The following TBC1D22A variants were observed in gnomAD, a reference collection of about 807,000 sequenced individuals.
TBC1D22A encodes the protein TBC1 domain family member 22A.
TBC1D22A carries 38 observed loss-of-function variants against 60.2 expected under a neutral mutation model. The observed-to-expected ratio is 0.63, with a 90% CI of 0.49 to 0.83. TBC1D22A has a LOEUF of 0.83. TBC1D22A is among the 40% of genes least tolerant of loss of function. The pLI is 0.00. For missense variants in TBC1D22A, 628 were observed against 701.0 expected (o/e 0.90, Z 1.18); for synonymous variants, 302 against 281.7 (o/e 1.07, Z -0.72).
intron 11 of TBC1D22A, among the ~76,000 whole-genome samples, chr22:47,091,644 T>C (rs907646913): frequency 2.0e-5 from 3 of 152,128 alleles, no homozygotes; most frequent in Admixed American, 2.0e-4. Flanking sequence ...TCTCAGGTCC[T>C]GTGCACCTGG....
intron 1 of TBC1D22A, among the ~76,000 whole-genome samples, chr22:46,770,190 G>A (rs1290928837): frequency 6.6e-6 from 1 of 152,188 alleles, no homozygotes; most frequent in Non-Finnish European, 1.5e-5. Context: ...TTTGCAGATG[G>A]AGGAGGCAGC....
intron 10 of TBC1D22A, among the ~76,000 whole-genome samples, chr22:47,015,993 A>G (rs1223988684): frequency 2.0e-5 from 3 of 151,692 alleles, no homozygotes; most frequent in African/African-American, 7.3e-5. Flanking sequence ...CTGGCCCTCC[A>G]CACTCCACGT....
chr22:47,120,572 G>A (rs572196716), intron 12 of TBC1D22A, among the ~76,000 whole-genome samples: 1 of 152,350 alleles, frequency 6.6e-6, no homozygotes, highest in East Asian at 1.9e-4. Flanking sequence ...TAAGCAGCCT[G>A]GCAGAGGGCA....
intron 11 of TBC1D22A, among the ~76,000 whole-genome samples, 156 bp from the exon 12 acceptor site, chr22:47,111,352 T>G (rs1324255081): frequency 6.6e-6 from 1 of 152,170 alleles, no homozygotes; most frequent in Non-Finnish European, 1.5e-5. Context: ...GGAATGAGGA[T>G]TTTGAAATTA....
chr22:46,978,867 C>T (rs2074405648), intron 9 of TBC1D22A, among the ~76,000 whole-genome samples: 1 of 152,180 alleles, frequency 6.6e-6, no homozygotes, highest in South Asian at 2.1e-4. Context: ...CCTCAGCCTC[C>T]CAAAGTGCTG....
chr22:47,007,248 G>A (rs1744645772), intron 10 of TBC1D22A, among the ~76,000 whole-genome samples: 1 of 152,202 alleles, frequency 6.6e-6, no homozygotes, highest in Non-Finnish European at 1.5e-5. Flanking sequence ...GAATTGGGTT[G>A]GTAGTGTGCC....
At chr22:46,898,813 A>AT (rs1224221372) in intron 7 of TBC1D22A, among the ~76,000 whole-genome samples, 1 of 152,218 alleles carries the variant, frequency 6.6e-6, no homozygotes, top group Non-Finnish European at 1.5e-5. Flanking sequence ...TAGCCATCTT[A>AT]TTTTGGAACC....
intron 10 of TBC1D22A, among the ~76,000 whole-genome samples, chr22:47,019,733 T>C (rs1055914359): frequency 3.3e-5 from 5 of 152,012 alleles, no homozygotes; most frequent in Non-Finnish European, 7.4e-5. Context: ...TATGCTAGGA[T>C]GATCCATCCT....
At chr22:46,807,305 A>G (rs545763909) in intron 4 of TBC1D22A, among the ~76,000 whole-genome samples, 2 of 135,628 alleles carry the variant, frequency 1.5e-5, no homozygotes, top group East Asian at 2.3e-4. Flanking sequence ...GATGGCGATG[A>G]TAACTGTGAT....
intron 7 of TBC1D22A, among the ~76,000 whole-genome samples, chr22:46,900,755 G>A (rs541008529): frequency 1.1e-3 from 164 of 152,284 alleles, no homozygotes; most frequent in African/African-American, 3.6e-3. Flanking sequence ...TAGTGTTCCC[G>A]TATGGCCGTA....
At position 47,152,348 on chromosome 22, in the gene TBC1D22A, CT is replaced by C. The variant is rs58825754; in HGVS notation, c.1426-21149del. On this transcript the variant is annotated intron_variant, in intron 12 of 12. Coordinates refer to ENST00000337137, the MANE Select transcript of TBC1D22A (RefSeq NM_014346.5). ...CGCAGCCTCCTACGGGGTTCCCCCCCTGGCCCCTGGGGGCACCGTGTCAGAT... is the reference window on the plus strand; with the variant it reads ...CGCAGCCTCCTACGGGGTTCCCCCCCGGCCCCTGGGGGCACCGTGTCAGAT... 9.1e-3 allele frequency among the ~76,000 whole-genome samples: 1,380 copies of C among 152,300 alleles called. 16 individuals are homozygous for C. The highest frequency in any genetic ancestry group is 0.03 in the African/African-American group (1,246 of 41,568).
intron 12 of TBC1D22A, among the ~76,000 whole-genome samples, chr22:47,161,191 C>T (rs1398828443): frequency 1.3e-5 from 2 of 152,080 alleles, no homozygotes; most frequent in Non-Finnish European, 2.9e-5. Context: ...AAATTGAAAT[C>T]ATGTTTTCAA....
intron 9 of TBC1D22A, among the ~76,000 whole-genome samples, chr22:46,995,804 C>T (rs547197404): frequency 6.6e-6 from 1 of 152,302 alleles, no homozygotes; most frequent in South Asian, 2.1e-4. Flanking sequence ...CACAGGGAGG[C>T]CTGCCTGGTT....
chr22:46,805,450 G>A (rs1010860174), intron 4 of TBC1D22A, among the ~76,000 whole-genome samples: 1 of 152,276 alleles, frequency 6.6e-6, no homozygotes, highest in Non-Finnish European at 1.5e-5. Flanking sequence ...TGTTGGCACT[G>A]GTTCACTGGC....
chr22:46,955,746 T>C (rs1473549454), intron 8 of TBC1D22A, among the ~76,000 whole-genome samples: 3 of 152,210 alleles, frequency 2.0e-5, no homozygotes, highest in South Asian at 4.1e-4. Flanking sequence ...TAATACTCAG[T>C]GCTCTTCAGG....
In TBC1D22A at chr22:47,123,455, G is replaced by C. The variant is rs538773751; in HGVS notation, c.1425+11852G>C. Among the ~76,000 whole-genome samples the C allele has an allele frequency of 9.8e-4, 150 of 152,342 alleles. 3 individuals carry two copies. In the South Asian group the frequency reaches 0.03, roughly 30 times the overall value. On this transcript the variant is annotated intron_variant, in intron 12 of 12. Transcript: ENST00000337137. ...CTGCATGCTTTCATTTGGAGTTCCAGCATCCTTTTGGGCCAGTCCATTGCT... is the reference window on the plus strand; with the variant it reads ...CTGCATGCTTTCATTTGGAGTTCCACCATCCTTTTGGGCCAGTCCATTGCT...
intron 8 of TBC1D22A, among the ~76,000 whole-genome samples, chr22:46,919,124 A>T (rs1195345549): frequency 6.6e-6 from 1 of 152,210 alleles, no homozygotes; most frequent in Non-Finnish European, 1.5e-5. Flanking sequence ...CCCCAAAAGA[A>T]ATCCTATACT....
intron 7 of TBC1D22A, among the ~76,000 whole-genome samples, chr22:46,910,269 G>A (rs190514786): frequency 6.6e-6 from 1 of 152,172 alleles, no homozygotes; most frequent in East Asian, 1.9e-4. Context: ...TGGACTTTAG[G>A]GCTGGTCATG....
chr22:47,031,014 T>G (rs2148373956), intron 10 of TBC1D22A, among the ~76,000 whole-genome samples: 1 of 152,296 alleles, frequency 6.6e-6, no homozygotes, highest in South Asian at 2.1e-4. Context: ...AGAAGGACAC[T>G]CCCCGGTGCC....
Sources: allele counts gnomAD v4.1 joint callset (sites outside exome capture counted in the v4.1 genomes callset), GRCh38; gene constraint gnomAD v4.1.1; transcripts MANE v1.5; gene names NCBI Gene and HGNC (gene_info 2026-07-23, HGNC 2026-07-21).